Variants in TXN2 observed in about 807,000 individuals in gnomAD.
TXN2 encodes thioredoxin, mitochondrial.
A neutral mutation model predicts 14.6 loss-of-function variants in TXN2; 12 were observed. The observed-to-expected ratio is 0.82, with a 90% CI of 0.53 to 1.33. The LOEUF is 1.33. Ranked by LOEUF, TXN2 falls within the 40% of genes most tolerant of loss-of-function variation. The pLI is 0.00. For missense variants in TXN2, 173 were observed against 207.7 expected (o/e 0.83, Z 1.03); for synonymous variants, 89 against 81.0 (o/e 1.10, Z -0.53).
chr22:36,474,144 T>G (rs1047876419), intron 3 of TXN2, among the ~76,000 whole-genome samples: 1 of 152,222 alleles, frequency 6.6e-6, no homozygotes, highest in South Asian at 2.1e-4. Flanking sequence ...AATGGGCAGA[T>G]AGATGCCTCC....
rs1933398865 is a variant in TXN2, at chr22:36,476,906, A to G, written c.264-50T>C. 8 of 1,611,928 alleles carry G rather than the reference A, an allele frequency of 5.0e-6. No individual in the cohort carries two copies. The Admixed American group carries it at 1.2e-4, about 24-fold the overall frequency. The stretch of plus-strand genomic sequence containing the variant: ...CCAGTCAGTCAAAAGAGCGCTCAGC[A>G]TCCCCTACTGGCTTCCCAGACCTGC... On this transcript the variant is annotated intron_variant, in intron 2 of 3. Coordinates refer to ENST00000216185, the MANE Select transcript of TXN2 (RefSeq NM_012473.4).
At position 36,467,927 on chromosome 22, in the gene TXN2, G is replaced by A. The variant is rs747722876; in HGVS notation, c.388-10C>T. 2 of 1,610,934 alleles carry A rather than the reference G, an allele frequency of 1.2e-6. No homozygotes were observed. The highest frequency in any genetic ancestry group is 1.7e-6 in the Non-Finnish European group (2 of 1,177,112). ...TGGGCACCGCTGACACCTGGGTGGA[G>A]AGGACAAGGGGGTCCAAGTGAATTG... On this transcript the variant is annotated splice_polypyrimidine_tract_variant and intron_variant, in intron 3 of 3. Transcript: ENST00000216185.
intron 3 of TXN2, among the ~76,000 whole-genome samples, chr22:36,469,466 C>T (rs1286914126): frequency 1.3e-5 from 2 of 152,166 alleles, no homozygotes; most frequent in Non-Finnish European, 2.9e-5. Context: ...CACAACCTGA[C>T]GCTTATTAGC....
chr22:36,467,514 G>A lies in TXN2; in HGVS notation c.*290C>T, dbSNP rs1274396371. 5.2e-6 allele frequency: 2 copies of A among 387,300 alleles called. No individual in the cohort carries two copies. Among genetic ancestry groups the A allele is most frequent in the Non-Finnish European group, 9.7e-6 (2 of 205,696 alleles). 24.0% of individuals were successfully genotyped at this position (387,300 alleles called of 1,614,324 possible). On this transcript the variant is annotated 3_prime_UTR_variant, in exon 4 of 4. Transcript: ENST00000216185. ...TGCCTGACTAGGAACGCTGTGGGCT[G>A]GCCCAGGCTCTCGCCACACATCCTG...
At position 36,480,179 on chromosome 22, in the gene TXN2, G is replaced by A. The variant is rs1307800417; in HGVS notation, c.263+396C>T. ...ATTACAGGCATGAGCCACCGCACCC[G>A]GCCGACACTGATAACTTTTTGCCAG... On this transcript the variant is annotated intron_variant, in intron 2 of 3. Coordinates refer to ENST00000216185, the MANE Select transcript of TXN2 (RefSeq NM_012473.4). Among the ~76,000 whole-genome samples the A allele has an allele frequency of 5.9e-5, 9 of 152,278 alleles. No homozygotes were observed. The South Asian group carries it at 1.4e-3, about 25-fold the overall frequency.
rs2281082 is a variant in TXN2, at chr22:36,476,703, T to G, written c.387+30A>C. 1,247,749 of 1,613,398 alleles carry G rather than the reference T, an allele frequency of 0.77. 492,175 individuals are homozygous for G. Among genetic ancestry groups the G allele is most frequent in the Non-Finnish European group, 0.81 (958,281 of 1,179,772 alleles). ...GGGCCTGACACCTCCTATACTGGCTTCCCTGTGGCAACTCCCTGTCAATCC... is the reference window on the plus strand; with the variant it reads ...GGGCCTGACACCTCCTATACTGGCTGCCCTGTGGCAACTCCCTGTCAATCC... On this transcript the variant is annotated intron_variant, in intron 3 of 3. Transcript: ENST00000216185.
In TXN2 at chr22:36,481,553, A is replaced by G; in HGVS notation, c.-1+11T>C. 1 of 999,366 alleles carries G rather than the reference A, an allele frequency of 1.0e-6. No individual in the cohort carries two copies. The highest frequency in any genetic ancestry group is 1.2e-6 in the Non-Finnish European group (1 of 829,368). 61.9% of individuals were successfully genotyped at this position (999,366 alleles called of 1,614,324 possible). A position where few individuals can be genotyped will look rare whatever the true frequency, so the allele number is the denominator to read the frequency against. On this transcript the variant is annotated intron_variant, in intron 1 of 3. Transcript: ENST00000216185. ...CGACACCACCTCGAGCCACCCCCAC[A>G]GGGCTCCTACCTCCCTGCAATGCGA...
intron 3 of TXN2, among the ~76,000 whole-genome samples, chr22:36,474,502 A>T (rs1933347715): frequency 6.6e-6 from 1 of 152,120 alleles, no homozygotes; most frequent in African/African-American, 2.4e-5. Flanking sequence ...GTATACTCTG[A>T]GGAATAAAGC....
Position 36,476,853 on chromosome 22 carries a change from C to T in TXN2, c.267G>A (p.Trp89Ter). The stretch of plus-strand genomic sequence containing the variant: ...GCCCCAGGATCTTGCAGGGTCCACA[C>T]CACCTCAAAAGGCGAGAAAGGAAGC... Reference protein sequence around the residue: ...TPVVVDFHAQWCGPCKILGPR... With the variant: ...TPVVVDFHAQ The change falls in exon 3 of 4, where the codon TGG becomes TGA. Residue 89 changes from tryptophan to a stop codon, truncating the protein, a stop_gained. Coordinates refer to ENST00000216185, the MANE Select transcript of TXN2 (RefSeq NM_012473.4). LOFTEE classifies it high-confidence loss of function. 1 of 1,614,184 alleles carries T rather than the reference C, an allele frequency of 6.2e-7. No individual in the cohort carries two copies. The highest frequency in any genetic ancestry group is 1.6e-4 in the Middle Eastern group (1 of 6,062).
chr22:36,467,808 C>T lies in TXN2; in HGVS notation c.497G>A (p.Gly166Asp), dbSNP rs1933191944. The change falls in exon 4 of 4, where the codon GGC (glycine) becomes GAC (aspartate). Residue 166 changes from glycine (G) to aspartate (D), a missense_variant. By Grantham distance (94) the Gly-to-Asp change is moderately conservative. Coordinates refer to ENST00000216185, the MANE Select transcript of TXN2 (RefSeq NM_012473.4). ...ACCAGGACTCATCCCTGCTTGTCAGCCAATCAGCTTCTTCAGGAAGGCCTC... is the reference window on the plus strand; with the variant it reads ...ACCAGGACTCATCCCTGCTTGTCAGTCAATCAGCTTCTTCAGGAAGGCCTC... ...QLEAFLKKLIG is the reference protein window; with the variant it reads ...QLEAFLKKLID 1.2e-6 allele frequency: 2 copies of T among 1,613,272 alleles called. No homozygotes were observed. Among genetic ancestry groups the T allele is most frequent in the Non-Finnish European group, 1.7e-6 (2 of 1,179,824 alleles).
chr22:36,473,425 A>C (rs919260252), intron 3 of TXN2, among the ~76,000 whole-genome samples: 1 of 152,204 alleles, frequency 6.6e-6, no homozygotes, highest in African/African-American at 2.4e-5. Context: ...CCTGGGCGAC[A>C]GAGCGAGACT....
Position 36,467,688 on chromosome 22 carries a change from T to C in TXN2, c.*116A>G. The C allele has an allele frequency of 1.1e-6, 1 of 899,212 alleles. No individual in the cohort carries two copies. Among genetic ancestry groups the C allele is most frequent in the Non-Finnish European group, 1.8e-6 (1 of 561,268 alleles). The allele number at this position is 899,212 out of a possible 1,614,324, so 55.7% of individuals were successfully genotyped here. A position where few individuals can be genotyped will look rare whatever the true frequency, so the allele number is the denominator to read the frequency against. On this transcript the variant is annotated 3_prime_UTR_variant, in exon 4 of 4. Coordinates refer to ENST00000216185, the MANE Select transcript of TXN2 (RefSeq NM_012473.4). ...GCACTCAGGGCTGGAGCCTGGGCTC[T>C]AAGCATGGGCCCCAGGAGCCAGACA... is the stretch of plus-strand genomic sequence containing the variant.
intron 2 of TXN2, among the ~76,000 whole-genome samples, chr22:36,477,069 A>G (rs1933401513): frequency 6.6e-6 from 1 of 152,226 alleles, no homozygotes; most frequent in South Asian, 2.1e-4. Context: ...AGGCCTCATC[A>G]GAAGACTCAT....
chr22:36,471,631 C>T (rs1002074166), intron 3 of TXN2, among the ~76,000 whole-genome samples: 10 of 152,154 alleles, frequency 6.6e-5, no homozygotes, highest in South Asian at 2.1e-4. Context: ...ATCATTTTAA[C>T]GATGAGAATA....
At chr22:36,478,072 G>C (rs1392881986) in intron 2 of TXN2, among the ~76,000 whole-genome samples, 2 of 150,096 alleles carry the variant, frequency 1.3e-5, no homozygotes, top group East Asian at 3.9e-4. Flanking sequence ...GGGAGGCAGA[G>C]GTTGAAGTGA....
chr22:36,469,142 C>T (rs752069794), intron 3 of TXN2, among the ~76,000 whole-genome samples: 5 of 152,234 alleles, frequency 3.3e-5, no homozygotes, highest in African/African-American at 7.2e-5. Flanking sequence ...AGCTGGGGCA[C>T]GCCCCTCAGT....
At chr22:36,479,817 A>T (rs1398865212) in intron 2 of TXN2, among the ~76,000 whole-genome samples, 1 of 152,116 alleles carries the variant, frequency 6.6e-6, no homozygotes, top group Non-Finnish European at 1.5e-5. Flanking sequence ...AAACTCAGAT[A>T]GCACTGAAAG....
At chr22:36,480,990 A>C (rs576798099) in intron 1 of TXN2, among the ~76,000 whole-genome samples, 153 bp from the exon 2 acceptor site, 49 of 152,296 alleles carry the variant, frequency 3.2e-4, no homozygotes, top group Non-Finnish European at 6.6e-4. Flanking sequence ...GGAAGTGAGG[A>C]AGCAATGAGA....
In TXN2 at chr22:36,467,192, T is replaced by C. The variant is rs1445771231; in HGVS notation, c.*612A>G. The C allele has an allele frequency of 6.5e-6, 1 of 153,072 alleles. No homozygotes were observed. Among genetic ancestry groups the C allele is most frequent in the East Asian group, 1.9e-4 (1 of 5,190 alleles). 9.5% of individuals were successfully genotyped at this position (153,072 alleles called of 1,614,324 possible). ...CCAGGGTTCCCCAGCCCATCAATCA[T>C]TTTCTGCACCCCCTGCCTGGGAGGC... On this transcript the variant is annotated 3_prime_UTR_variant, in exon 4 of 4. Transcript: ENST00000216185.
Sources: gnomAD v4.1 joint callset for allele counts (sites outside exome capture counted in the v4.1 genomes callset) on GRCh38, gnomAD v4.1.1 for gene constraint, MANE v1.5 for transcripts, NCBI Gene and HGNC (gene_info 2026-07-23, HGNC 2026-07-21) for gene names.